Variants in UTP25 observed in about 807,000 individuals in gnomAD.
UTP25 encodes the protein UTP25 small subunit processome component.
A neutral mutation model predicts 78.9 loss-of-function variants in UTP25; 50 were observed. The ratio of observed to expected loss-of-function variants is 0.63; its 90% CI spans 0.50 to 0.80. The LOEUF (loss-of-function observed/expected upper bound fraction) is 0.80, where lower values mean the gene tolerates loss of function less well. Among genes scored for constraint, UTP25 ranks in the 30% least tolerant of loss-of-function variants. The probability of loss-of-function intolerance (pLI) is 0.00; values close to 1 mark genes in which losing one functional copy is unlikely to be tolerated. For synonymous variants in UTP25, 329 were observed against 336.5 expected (o/e 0.98, Z 0.24); for missense variants, 846 against 911.3 (o/e 0.93, Z 0.92).
chr1:209,830,135 G>A lies in UTP25; in HGVS notation c.135G>A (p.Gln45=). ...TTTCCAGAAAGGAAGCAAAGCCACA[G>A]ATTTGTCAACTGGTAATGCTTTCTA... ...DRVSRKEAKP[Q]ICQLSESSDS... The change falls in exon 2 of 12, where the codon CAG becomes CAA. Residue 45 remains glutamine (Q), a synonymous_variant. Transcript: ENST00000491415. 6.2e-7 allele frequency: 1 copy of A among 1,611,946 alleles called. No individual in the cohort carries two copies. Among genetic ancestry groups the A allele is most frequent in the Non-Finnish European group, 8.5e-7 (1 of 1,178,678 alleles).
chr1:209,855,327 G>A lies in UTP25; in HGVS notation c.*3880G>A, dbSNP rs2078267888. On this transcript the variant is annotated 3_prime_UTR_variant, in exon 12 of 12. Coordinates refer to ENST00000491415, the MANE Select transcript of UTP25 (RefSeq NM_014388.7). ...GGACCTTCCCCTCCTCAGATGTGGGGAGTTGCCGCCTCCACTTGCATTACA... is the reference window on the plus strand; with the variant it reads ...GGACCTTCCCCTCCTCAGATGTGGGAAGTTGCCGCCTCCACTTGCATTACA... 6.6e-6 allele frequency: 1 copy of A among 152,254 alleles called. No homozygotes were observed. Among genetic ancestry groups the A allele is most frequent in the Non-Finnish European group, 1.5e-5 (1 of 68,100 alleles). 9.4% of individuals were successfully genotyped at this position (152,254 alleles called of 1,614,324 possible). A position where few individuals can be genotyped will look rare whatever the true frequency, so the allele number is the denominator to read the frequency against.
Position 209,840,934 on chromosome 1 carries a change from T to G in UTP25, c.1364T>G (p.Leu455Trp). The G allele has an allele frequency of 6.2e-7, 1 of 1,614,082 alleles. No individual in the cohort carries two copies. The highest frequency in any genetic ancestry group is 8.5e-7 in the Non-Finnish European group (1 of 1,179,986). The change falls in exon 8 of 12, where the codon TTG becomes TGG. Residue 455 changes from leucine (L) to tryptophan (W), a missense_variant. Coordinates refer to ENST00000491415, the MANE Select transcript of UTP25 (RefSeq NM_014388.7). ...ATCCTCATTGCTTCCCCCCTGGGCT[T>G]GAGGACCATCATTGGTGGAGAAGGA... ...SDILIASPLGLRTIIGGEGEK... is the reference protein window; with the variant it reads ...SDILIASPLGWRTIIGGEGEK...
At chr1:209,838,473 T>C (rs1028780049) in intron 6 of UTP25, among the ~76,000 whole-genome samples, 1 of 152,232 alleles carries the variant, frequency 6.6e-6, no homozygotes, top group African/African-American at 2.4e-5. Flanking sequence ...ATTTCTTCTC[T>C]ACTTGTTCCA....
In UTP25 at chr1:209,837,229, G is replaced by A. The variant is rs2078138858; in HGVS notation, c.1062+18G>A. On this transcript the variant is annotated intron_variant, in intron 6 of 11. Coordinates refer to ENST00000491415, the MANE Select transcript of UTP25 (RefSeq NM_014388.7). ...GGCCCAAGGTGAGTCCAGCAGGAAA[G>A]CTTTGCTCTCGAGGAGGTGGCTGCA... is the stretch of plus-strand genomic sequence containing the variant. 3 of 1,605,328 alleles carry A rather than the reference G, an allele frequency of 1.9e-6. No individual in the cohort carries two copies. Among genetic ancestry groups the A allele is most frequent in the East Asian group, 2.2e-5 (1 of 44,754 alleles).
At chr1:209,841,779 T>C (rs2102576595) in intron 8 of UTP25, among the ~76,000 whole-genome samples, 1 of 152,362 alleles carries the variant, frequency 6.6e-6, no homozygotes, top group African/African-American at 2.4e-5. Flanking sequence ...TCATTACCCT[T>C]CAATATCTAT....
intron 11 of UTP25, 22 bp downstream of exon 11, chr1:209,843,718 A>C: frequency 6.2e-7 from 1 of 1,607,348 alleles, no homozygotes; most frequent in Non-Finnish European, 8.5e-7. Flanking sequence ...CCAGGTTTCA[A>C]GCCTCCTCTC....
rs6540562 is a variant in UTP25, at chr1:209,835,209, A to C, written c.651+46A>C. On this transcript the variant is annotated intron_variant, in intron 5 of 11. Transcript: ENST00000491415. ...CCGGTCACAAATAGAGAAAGCTCTA[A>C]ATAAAACAGTGGTCTTGGGTTTTAG... The C allele has an allele frequency of 0.016, 24,692 of 1,552,394 alleles. 1,707 individuals are homozygous for C. The African/African-American group carries it at 0.2, about 13-fold the overall frequency.
At chr1:209,851,084 C>T (rs892365410) in intron 11 of UTP25, 120 bp from the exon 12 acceptor site, 11 of 1,130,408 alleles carry the variant, frequency 9.7e-6, no homozygotes, top group Non-Finnish European at 1.2e-5. Flanking sequence ...ACTTGTGCCA[C>T]TGTTTTTCTC....
At position 209,839,020 on chromosome 1, in the gene UTP25, T is replaced by G; in HGVS notation, c.1174T>G (p.Phe392Val). ...AATCATTGTGAGCAACAAAAAGAGG[T>G]TTCAGGGAGAATATGGATCAGATCC... ...KKIIVSNKKRFQGEYGSDPEE... is the reference protein window; with the variant it reads ...KKIIVSNKKRVQGEYGSDPEE... Residue 392 changes from phenylalanine to valine, a missense_variant, in exon 7 of 12, where the codon TTT becomes GTT. Coordinates refer to ENST00000491415, the MANE Select transcript of UTP25 (RefSeq NM_014388.7). 1 of 1,613,742 alleles carries G rather than the reference T, an allele frequency of 6.2e-7. No individual in the cohort carries two copies. The highest frequency in any genetic ancestry group is 8.5e-7 in the Non-Finnish European group (1 of 1,179,902).
intron 6 of UTP25, 78 bp downstream of exon 6, chr1:209,837,289 G>A: frequency 6.8e-7 from 1 of 1,476,276 alleles, no homozygotes; most frequent in South Asian, 1.3e-5. Flanking sequence ...CACTTAGCAG[G>A]AACTTGGGTA....
chr1:209,828,368 C>T (rs674346), intron 1 of UTP25, among the ~76,000 whole-genome samples, 198 bp downstream of exon 1: 1 of 150,404 alleles, frequency 6.6e-6, no homozygotes, highest in Non-Finnish European at 1.5e-5. Context: ...CTGTAATTTC[C>T]TGCTAAGAGG....
chr1:209,847,291 TA>T (rs1229755169), intron 11 of UTP25, among the ~76,000 whole-genome samples: 3 of 152,206 alleles, frequency 2.0e-5, no homozygotes, highest in African/African-American at 7.2e-5. Flanking sequence ...AGACTAACAA[TA>T]AACATCTGTT....
chr1:209,840,561 T>A (rs907488823), intron 7 of UTP25, among the ~76,000 whole-genome samples: 2 of 152,066 alleles, frequency 1.3e-5, no homozygotes, highest in African/African-American at 4.8e-5. Context: ...AGAGGCCGGA[T>A]TGCAGTGGAG....
rs766069202 is a variant in UTP25 at position 209,836,871 on chromosome 1, A to T, written c.722A>T (p.Asp241Val). Reference sequence around the variant, plus strand: ...TTGGAAACATTTAAACCCCCAAAGGATATTGACTTAAAGTCACTTCATCTC... The same window carrying T: ...TTGGAAACATTTAAACCCCCAAAGGTTATTGACTTAAAGTCACTTCATCTC... Reference protein sequence around the residue: ...QKLETFKPPKDIDLKSLHLQK... With the variant: ...QKLETFKPPKVIDLKSLHLQK... The change falls in exon 6 of 12, where the codon GAT becomes GTT. Residue 241 changes from aspartate (D) to valine (V), a missense_variant. By Grantham distance (152) the Asp-to-Val change is radical (BLOSUM62 -3). Transcript: ENST00000491415. The T allele has an allele frequency of 1.9e-6, 3 of 1,614,026 alleles. No individual in the cohort carries two copies. The highest frequency in any genetic ancestry group is 2.7e-5 in the African/African-American group (2 of 74,896).
At chr1:209,838,283 G>A (rs2078145398) in intron 6 of UTP25, among the ~76,000 whole-genome samples, 2 of 152,076 alleles carry the variant, frequency 1.3e-5, no homozygotes, top group Admixed American at 6.5e-5. Context: ...AAGCATCTTC[G>A]GTTTTTATTC....
At position 209,843,390 on chromosome 1, in the gene UTP25, T is replaced by A; in HGVS notation, c.1782-61T>A. On this transcript the variant is annotated intron_variant, in intron 10 of 11. Coordinates refer to ENST00000491415, the MANE Select transcript of UTP25 (RefSeq NM_014388.7). ...TTGTAATTTGCTCAGGGTCACACAG[T>A]TAAGAGACACCATAAGCTTAGCTCT... The A allele has an allele frequency of 2.5e-6, 4 of 1,589,688 alleles. No individual in the cohort carries two copies. In the African/African-American group the frequency reaches 5.4e-5, roughly 21 times the overall value.
Position 209,838,946 on chromosome 1 carries a change from G to C in UTP25, c.1100G>C (p.Arg367Pro). The C allele has an allele frequency of 3.1e-6, 5 of 1,614,060 alleles. No individual in the cohort carries two copies. Among genetic ancestry groups the C allele is most frequent in the Non-Finnish European group, 3.4e-6 (4 of 1,179,978 alleles). ...IVVPFREAAL[R>P]VVQLFISLLE... The stretch of plus-strand genomic sequence containing the variant: ...GTGCCATTCCGGGAAGCTGCTTTGC[G>C]GGTGGTGCAGCTCTTCATCAGCCTC... Residue 367 changes from arginine (R) to proline (P), a missense_variant, in exon 7 of 12, where the codon CGG becomes CCG. By Grantham distance (103) the Arg-to-Pro change is moderately radical (BLOSUM62 -2). Coordinates refer to ENST00000491415, the MANE Select transcript of UTP25 (RefSeq NM_014388.7).
intron 7 of UTP25, 135 bp from the exon 8 acceptor site, chr1:209,840,718 G>A (rs2078162021): frequency 6.3e-6 from 5 of 796,158 alleles, no homozygotes; most frequent in Non-Finnish European, 1.1e-5. Flanking sequence ...AATTAAAGCA[G>A]TTGAGCACAG....
chr1:209,834,060 T>G (rs2078118225), intron 4 of UTP25, among the ~76,000 whole-genome samples: 1 of 152,242 alleles, frequency 6.6e-6, no homozygotes, highest in South Asian at 2.1e-4. Flanking sequence ...ACTCATTTAG[T>G]TCTGTTGGTT....
Sources: allele counts gnomAD v4.1 joint callset (sites outside exome capture counted in the v4.1 genomes callset), GRCh38; gene constraint gnomAD v4.1.1; transcripts MANE v1.5; gene names NCBI Gene and HGNC (gene_info 2026-07-23, HGNC 2026-07-21).